The following CNBD1 variants were observed in gnomAD, a reference collection of about 807,000 sequenced individuals.
The protein encoded by CNBD1 is cyclic nucleotide binding domain containing 1, also known as cyclic nucleotide-binding domain-containing protein 1.
In CNBD1, 71 loss-of-function variants were observed where a neutral mutation model predicts 54.4. The observed-to-expected ratio is 1.30, with a 90% CI of 1.08 to 1.59. The LOEUF (loss-of-function observed/expected upper bound fraction) is 1.59. Among genes scored for constraint, CNBD1 ranks in the 40% most tolerant of loss-of-function variants. The pLI, the probability that CNBD1 is intolerant of heterozygous loss-of-function variation, is 0.00. For missense variants in CNBD1, 659 were observed against 518.0 expected (o/e 1.27, Z -2.64); for synonymous variants, 182 against 170.7 (o/e 1.07, Z -0.51).
chr8:87,103,840 T>G (rs1354846793), intron 4 of CNBD1, among the ~76,000 whole-genome samples: 1 of 152,134 alleles, frequency 6.6e-6, no homozygotes, highest in African/African-American at 2.4e-5. Flanking sequence ...AAAAGGAACA[T>G]TACAAGAGTA....
chr8:87,339,676 T>C (rs1810025497), intron 8 of CNBD1, among the ~76,000 whole-genome samples: 1 of 152,086 alleles, frequency 6.6e-6, no homozygotes, highest in Non-Finnish European at 1.5e-5. Context: ...TCTGTATTTT[T>C]AATATATATT....
chr8:86,889,296 A>C (rs2131789614), intron 2 of CNBD1, among the ~76,000 whole-genome samples: 1 of 152,310 alleles, frequency 6.6e-6, no homozygotes, highest in South Asian at 2.1e-4. Flanking sequence ...AAAGCTTGGA[A>C]GTTCAGGTCC....
At chr8:87,337,789 G>T (rs1809978586) in intron 8 of CNBD1, among the ~76,000 whole-genome samples, 1 of 152,174 alleles carries the variant, frequency 6.6e-6, no homozygotes, top group Non-Finnish European at 1.5e-5. Context: ...CGTGGATCAT[G>T]CCAGCCACCT....
At chr8:86,898,333 C>T (rs981524711) in intron 2 of CNBD1, among the ~76,000 whole-genome samples, 4 of 138,004 alleles carry the variant, frequency 2.9e-5, no homozygotes, top group Non-Finnish European at 6.4e-5. Flanking sequence ...AAGTAACTTA[C>T]ATTGTTTTCA....
At chr8:87,203,439 A>G (rs554550803) in intron 4 of CNBD1, among the ~76,000 whole-genome samples, 1 of 152,332 alleles carries the variant, frequency 6.6e-6, no homozygotes, top group South Asian at 2.1e-4. Flanking sequence ...GCCATTTGAT[A>G]TGCTGCACTT....
At chr8:86,876,934 G>C (rs1469165569) in intron 1 of CNBD1, among the ~76,000 whole-genome samples, 1 of 151,822 alleles carries the variant, frequency 6.6e-6, no homozygotes, top group Non-Finnish European at 1.5e-5. Context: ...TATGAATTTT[G>C]ATGGTATATA....
chr8:86,975,349 C>A (rs188851069), intron 4 of CNBD1, among the ~76,000 whole-genome samples: 1 of 151,888 alleles, frequency 6.6e-6, no homozygotes, highest in African/African-American at 2.4e-5. Context: ...AAATTTTGTA[C>A]CCTTTGATCA....
At chr8:87,087,848 A>C (rs1811133580) in intron 4 of CNBD1, among the ~76,000 whole-genome samples, 1 of 152,164 alleles carries the variant, frequency 6.6e-6, no homozygotes, top group Non-Finnish European at 1.5e-5. Flanking sequence ...CTCATTTTAC[A>C]GATGAGGTAA....
rs1233844565 is a variant in CNBD1, at chr8:86,940,773, G to GA, written c.431+1026dup. On this transcript the variant is annotated intron_variant, in intron 4 of 10. Coordinates refer to ENST00000518476, the MANE Select transcript of CNBD1 (RefSeq NM_173538.3). ...AGTGTCAAGACTAGGAATGTTTTCA[G>GA]AAAAAAATCAATAGCAGGGAATGAG... Among the ~76,000 whole-genome samples the GA allele has an allele frequency of 2.6e-5, 4 of 152,200 alleles. No homozygotes were observed. The East Asian group carries it at 7.7e-4, about 29-fold the overall frequency.
chr8:87,025,913 A>G (rs957065853), intron 4 of CNBD1, among the ~76,000 whole-genome samples: 2 of 152,210 alleles, frequency 1.3e-5, no homozygotes, highest in Non-Finnish European at 2.9e-5. Context: ...TGAATTGATG[A>G]GGATGGAGGA....
intron 8 of CNBD1, among the ~76,000 whole-genome samples, chr8:87,343,303 A>T (rs1218998739): frequency 6.6e-6 from 1 of 152,182 alleles, no homozygotes; most frequent in Non-Finnish European, 1.5e-5. Context: ...CACGTTTTAC[A>T]AACAATTGGT....
chr8:87,241,095 T>A (rs376746399), intron 6 of CNBD1, among the ~76,000 whole-genome samples: 10 of 152,090 alleles, frequency 6.6e-5, no homozygotes, highest in African/African-American at 2.2e-4. Context: ...CTAAAAATTG[T>A]CATGAAGCAG....
At chr8:87,057,020 T>C (rs1028358619) in intron 4 of CNBD1, among the ~76,000 whole-genome samples, 1 of 152,192 alleles carries the variant, frequency 6.6e-6, no homozygotes, top group African/African-American at 2.4e-5. Flanking sequence ...GCAAAGTTGA[T>C]ACAATGTTAC....
chr8:87,419,678 A>G (rs1008613863), intron 2 of CNBD1, among the ~76,000 whole-genome samples: 1 of 151,916 alleles, frequency 6.6e-6, no homozygotes, highest in Non-Finnish European at 1.5e-5. Flanking sequence ...TCACAATGTG[A>G]AATAGAGTAT....
chr8:86,889,549 A>G (rs998268626), intron 2 of CNBD1, among the ~76,000 whole-genome samples: 1 of 152,160 alleles, frequency 6.6e-6, no homozygotes, highest in African/African-American at 2.4e-5. Context: ...ATTTTTGTAC[A>G]TAGAACTCAC....
intron 3 of CNBD1, among the ~76,000 whole-genome samples, chr8:86,916,798 G>T (rs1438782435): frequency 1.3e-5 from 2 of 151,574 alleles, no homozygotes; most frequent in Non-Finnish European, 2.9e-5. Context: ...CTGTCTTCTG[G>T]GTTCAAGCCA....
chr8:86,925,119 C>G (rs1200038878), intron 3 of CNBD1, among the ~76,000 whole-genome samples: 2 of 152,150 alleles, frequency 1.3e-5, no homozygotes, highest in Admixed American at 1.3e-4. Flanking sequence ...TATGATGGAA[C>G]TTGTCTTGGA....
At chr8:87,258,176 T>A (rs1808057775) in intron 6 of CNBD1, among the ~76,000 whole-genome samples, 1 of 152,262 alleles carries the variant, frequency 6.6e-6, no homozygotes, top group East Asian at 1.9e-4. Flanking sequence ...AGCTTAAATT[T>A]GATTTTGGGA....
chr8:87,320,005 G>A (rs554784291), intron 8 of CNBD1, among the ~76,000 whole-genome samples: 2 of 151,976 alleles, frequency 1.3e-5, no homozygotes, highest in African/African-American at 4.8e-5. Context: ...ATGTCCCCTA[G>A]CTTGGAAACT....
Sources: allele counts gnomAD v4.1 joint callset (sites outside exome capture counted in the v4.1 genomes callset), GRCh38; gene constraint gnomAD v4.1.1; transcripts MANE v1.5; gene names NCBI Gene and HGNC (gene_info 2026-07-23, HGNC 2026-07-21).